Variants in PTPRM observed in about 807,000 individuals in gnomAD.
PTPRM encodes the protein receptor-type tyrosine-protein phosphatase mu.
In PTPRM, 47 loss-of-function variants were observed where a neutral mutation model predicts 186.7. The ratio of observed to expected loss-of-function variants is 0.25; its 90% confidence interval spans 0.20 to 0.32. The LOEUF (loss-of-function observed/expected upper bound fraction) is 0.32. Ranked by LOEUF, PTPRM falls within the 10% of genes least tolerant of loss-of-function variation. The pLI is 1.00. For synonymous variants in PTPRM, 668 were observed against 674.9 expected (o/e 0.99, Z 0.16); for missense variants, 1,494 against 1,865.0 (o/e 0.80, Z 3.66).
Position 7,955,317 on chromosome 18 carries a change from A to C in PTPRM, c.1035A>C (p.Pro345=). ...GCTATAAAATTGGACACCTTGACCC[A>C]GATACAGAATATGAGATTAGTGTGC... ...STSYKIGHLD[P]DTEYEISVLL... is the part of the protein sequence containing the mutation. Residue 345 remains proline, a synonymous_variant, in exon 7 of 33, where the codon CCA becomes CCC. Transcript: ENST00000580170. 1 of 1,614,170 alleles carries C rather than the reference A, an allele frequency of 6.2e-7. No homozygotes were observed. The highest frequency in any genetic ancestry group is 8.5e-7 in the Non-Finnish European group (1 of 1,180,018).
At chr18:8,189,434 T>C (rs1400412601) in intron 14 of PTPRM, among the ~76,000 whole-genome samples, 3 of 152,264 alleles carry the variant, frequency 2.0e-5, no homozygotes, top group African/African-American at 7.2e-5. Context: ...CCACTCTGCA[T>C]CTCCATGGAC....
At chr18:8,030,434 G>A (rs546700773) in intron 7 of PTPRM, among the ~76,000 whole-genome samples, 18 of 152,250 alleles carry the variant, frequency 1.2e-4, no homozygotes, top group Non-Finnish European at 2.2e-4. Context: ...ATCATGGTCC[G>A]TCAGTGTGAG....
At chr18:8,376,378 A>G in intron 25 of PTPRM, 84 bp from the exon 26 acceptor site, 1 of 1,593,612 alleles carries the variant, frequency 6.3e-7, no homozygotes, top group Non-Finnish European at 8.6e-7. Flanking sequence ...TATTATGTAA[A>G]TTTCACCTCG....
chr18:7,716,242 GAAA>G (rs1008334388), intron 1 of PTPRM, among the ~76,000 whole-genome samples: 13 of 152,048 alleles, frequency 8.5e-5, no homozygotes, highest in African/African-American at 3.1e-4. Context: ...ACAAACCCAA[GAAA>G]AAGAAGCAAT....
intron 24 of PTPRM, among the ~76,000 whole-genome samples, chr18:8,375,378 C>G (rs1807509302): frequency 6.6e-6 from 1 of 152,340 alleles, no homozygotes; most frequent in South Asian, 2.1e-4. Flanking sequence ...CCCATAATGC[C>G]TGGGGCAGTG....
intron 3 of PTPRM, among the ~76,000 whole-genome samples, chr18:7,895,578 C>T (rs1382247604): frequency 6.6e-6 from 1 of 152,144 alleles, no homozygotes; most frequent in African/African-American, 2.4e-5. Flanking sequence ...ATCTCAAGGA[C>T]CAGGTGCCCT....
In PTPRM at chr18:7,567,515, G is replaced by A. The variant is rs1431420457; in HGVS notation, c.-304G>A. ...GGCAGGGGAAGGGGAGAGGCGGCGA[G>A]CTCAGCAACCGGAACCGAGGGAAGA... On this transcript the variant is annotated 5_prime_UTR_variant, in exon 1 of 33. Transcript: ENST00000580170. The surrounding 1 kb of genome is among the most constrained non-coding windows in gnomAD (Gnocchi z 4.3). 1 of 285,230 alleles carries A rather than the reference G, an allele frequency of 3.5e-6. No homozygotes were observed. Among genetic ancestry groups the A allele is most frequent in the Non-Finnish European group, 6.4e-6 (1 of 155,336 alleles). The allele number at this position is 285,230 out of a possible 1,614,324, so 17.7% of individuals were successfully genotyped here.
At chr18:8,287,955 T>C (rs1231841439) in intron 19 of PTPRM, among the ~76,000 whole-genome samples, 1 of 152,158 alleles carries the variant, frequency 6.6e-6, no homozygotes, top group Non-Finnish European at 1.5e-5. Context: ...ATGGCCTCTT[T>C]GGGTTTGCAA....
intron 13 of PTPRM, among the ~76,000 whole-genome samples, chr18:8,137,140 T>C (rs1460834754): frequency 2.0e-5 from 3 of 152,244 alleles, no homozygotes; most frequent in African/African-American, 7.2e-5. Context: ...CTGTCGCATC[T>C]CTTAAGGTTT....
intron 7 of PTPRM, among the ~76,000 whole-genome samples, chr18:7,984,611 A>ACG (rs2082752214): frequency 7.4e-6 from 1 of 135,022 alleles, no homozygotes; most frequent in African/African-American, 2.8e-5. Flanking sequence ...ATACACACAC[A>ACG]CACACACACA....
In PTPRM at chr18:8,340,387, A is replaced by G. The variant is rs184672540; in HGVS notation, c.2957-3036A>G. ...AGAATTTCACCTAGTTTATTTTTGT[A>G]TCCTAATCTTTTTTTAGCGTAGGTC... On this transcript the variant is annotated intron_variant, in intron 22 of 32. Transcript: ENST00000580170. 6.0e-3 allele frequency among the ~76,000 whole-genome samples: 886 copies of G among 147,420 alleles called. 4 individuals are homozygous for G. Among genetic ancestry groups the G allele is most frequent in the Non-Finnish European group, 0.01 (669 of 64,794 alleles).
chr18:7,903,006 A>G (rs1163650909), intron 3 of PTPRM, among the ~76,000 whole-genome samples: 1 of 152,246 alleles, frequency 6.6e-6, no homozygotes, highest in East Asian at 1.9e-4. Flanking sequence ...ATTCTCTTCA[A>G]AGAATAAGGA....
At chr18:8,079,989 AATTC>A (rs1410331627) in intron 9 of PTPRM, among the ~76,000 whole-genome samples, 3 of 152,180 alleles carry the variant, frequency 2.0e-5, no homozygotes, top group African/African-American at 7.2e-5. Flanking sequence ...TTCAAAAAAA[AATTC>A]ACCCAGCATG....
intron 7 of PTPRM, among the ~76,000 whole-genome samples, chr18:8,021,363 T>A (rs1168333859): frequency 2.0e-5 from 3 of 149,468 alleles, no homozygotes; most frequent in Admixed American, 6.7e-5. Flanking sequence ...CACACACATA[T>A]AAATTTTACT....
At chr18:8,264,325 T>C (rs2094672435) in intron 19 of PTPRM, among the ~76,000 whole-genome samples, 1 of 152,168 alleles carries the variant, frequency 6.6e-6, no homozygotes, top group Non-Finnish European at 1.5e-5. Context: ...CTCTATATCA[T>C]CATAGACAGT....
At chr18:7,671,376 G>C (rs2144489400) in intron 1 of PTPRM, among the ~76,000 whole-genome samples, 1 of 152,292 alleles carries the variant, frequency 6.6e-6, no homozygotes, top group Admixed American at 6.5e-5. Flanking sequence ...GGTCCTGAGA[G>C]AGACACTTTT....
intron 14 of PTPRM, among the ~76,000 whole-genome samples, chr18:8,227,759 A>T (rs982544270): frequency 6.6e-6 from 1 of 152,216 alleles, no homozygotes; most frequent in African/African-American, 2.4e-5. Flanking sequence ...TACCAATTTA[A>T]TCTTGCTGCA....
At chr18:7,707,131 G>T (rs1384228991) in intron 1 of PTPRM, among the ~76,000 whole-genome samples, 4 of 152,254 alleles carry the variant, frequency 2.6e-5, no homozygotes, top group Middle Eastern at 6.8e-3. Flanking sequence ...GAATGTTTAG[G>T]AATCTCTTTA....
chr18:8,319,684 G>T (rs1312576096), intron 22 of PTPRM, among the ~76,000 whole-genome samples: 2 of 152,184 alleles, frequency 1.3e-5, no homozygotes, highest in Non-Finnish European at 2.9e-5. Context: ...GAGAGGAACA[G>T]ATACAGATAA....
Sources: allele counts gnomAD v4.1 joint callset (sites outside exome capture counted in the v4.1 genomes callset), GRCh38; gene constraint gnomAD v4.1.1; non-coding constraint Gnocchi (gnomAD v3.1); transcripts MANE v1.5; gene names NCBI Gene and HGNC (gene_info 2026-07-23, HGNC 2026-07-21).